ODAD4: variants seen among roughly 807,000 people sequenced by gnomAD.
ODAD4 encodes the protein outer dynein arm-docking complex subunit 4.
ODAD4 carries 49 observed loss-of-function variants against 51.8 expected under a neutral mutation model. The observed-to-expected ratio is 0.95, with a 90% CI of 0.75 to 1.20. ODAD4 has a LOEUF of 1.20. Ranked by LOEUF, ODAD4 falls within the 50% of genes most tolerant of loss-of-function variation. The pLI, the probability that ODAD4 is intolerant of heterozygous loss-of-function variation, is 0.00. For missense variants in ODAD4, 590 were observed against 586.5 expected (o/e 1.01, Z -0.06); for synonymous variants, 235 against 221.3 (o/e 1.06, Z -0.55).
chr17:41,931,133 G>A (rs972749428), intron 1 of ODAD4, among the ~76,000 whole-genome samples: 2 of 151,994 alleles, frequency 1.3e-5, no homozygotes, highest in African/African-American at 4.8e-5. Context: ...CTGACCTCGT[G>A]ATCCACCCGC....
In ODAD4 at chr17:41,938,756, C is replaced by G. The variant is rs2050464102; in HGVS notation, c.825C>G (p.Leu275=). The G allele has an allele frequency of 6.2e-7, 1 of 1,613,390 alleles. No homozygotes were observed. The highest frequency in any genetic ancestry group is 1.7e-5 in the Admixed American group (1 of 60,002). The part of the protein sequence containing the change: ...RRPSQTAHYI[L]KSLEDIDMLL... ...CCTCACAGACAGCCCATTACATCCT[C>G]AAGAGCCTGGAGGACATTGATATGT... The change falls in exon 6 of 12, where the codon CTC becomes CTG. Residue 275 remains leucine, a synonymous_variant. Coordinates refer to ENST00000377540, the MANE Select transcript of ODAD4 (RefSeq NM_031421.5).
chr17:41,939,320 C>T (rs1482385346), intron 7 of ODAD4, 148 bp downstream of exon 7: 15 of 786,240 alleles, frequency 1.9e-5, no homozygotes, highest in Non-Finnish European at 2.7e-5. Context: ...TGGGGACCAC[C>T]TGCCCAGGAC....
intron 1 of ODAD4, among the ~76,000 whole-genome samples, chr17:41,931,038 C>T (rs531901612): frequency 1.2e-4 from 18 of 151,948 alleles, no homozygotes; most frequent in African/African-American, 2.9e-4. Flanking sequence ...GGACTACAGG[C>T]GCGTGCCACC....
At chr17:41,952,390 A>G (rs1177207751) in intron 9 of ODAD4, among the ~76,000 whole-genome samples, 1 of 127,188 alleles carries the variant, frequency 7.9e-6, no homozygotes, top group Non-Finnish European at 1.7e-5. Flanking sequence ...AAAAAAAATT[A>G]GCTGAGTGTG....
rs146613555 is a variant in ODAD4, at chr17:41,965,351, A to T, written c.1887A>T (p.Arg629Ser). ...LEQRLSGEFSRQEPEELKKLS... is the reference protein window; with the variant it reads ...LEQRLSGEFSSQEPEELKKLS... ...AAAGACTCTCAGGAGAATTCAGCAG[A>T]CAGGAACCAGAAGAACTAAAGAAAC... Residue 629 changes from arginine to serine, a missense_variant, in exon 12 of 12, where the codon AGA (arginine) becomes AGT (serine). Arg to Ser is a moderately radical substitution (Grantham distance 110). Around this residue, in one of 3 missense-constraint regions of ODAD4, gnomAD observed 226 missense variants for 162.7 expected, o/e 1.39. Coordinates refer to ENST00000377540, the MANE Select transcript of ODAD4 (RefSeq NM_031421.5). The T allele has an allele frequency of 1.9e-3, 1,447 of 780,758 alleles. 10 individuals are homozygous for T. The African/African-American group carries it at 0.021, about 12-fold the overall frequency. The allele number at this position is 780,758 out of a possible 1,614,324, so 48.4% of individuals were successfully genotyped here. A position where few individuals can be genotyped will look rare whatever the true frequency, so the allele number is the denominator to read the frequency against.
At chr17:41,936,245 C>T (rs937269472) in intron 3 of ODAD4, among the ~76,000 whole-genome samples, 3 of 152,166 alleles carry the variant, frequency 2.0e-5, no homozygotes, top group African/African-American at 7.2e-5. Flanking sequence ...CCTTGGCCTC[C>T]CTTTGTTTGG....
At chr17:41,941,404 C>A (rs1027801991) in intron 7 of ODAD4, among the ~76,000 whole-genome samples, 1 of 152,214 alleles carries the variant, frequency 6.6e-6, no homozygotes, top group Non-Finnish European at 1.5e-5. Flanking sequence ...AATGCTTTCC[C>A]TTTTCCCAGC....
At chr17:41,956,232 A>G (rs1555640980) in intron 10 of ODAD4, among the ~76,000 whole-genome samples, 1 of 151,708 alleles carries the variant, frequency 6.6e-6, no homozygotes. Context: ...TATTTTTAGT[A>G]GAGATGGGGT....
At chr17:41,952,647 C>CA (rs1402493118) in intron 9 of ODAD4, 2 of 515,780 alleles carry the variant, frequency 3.9e-6, no homozygotes, top group East Asian at 1.1e-4. Flanking sequence ...CCTTTAATGT[C>CA]AGAGTCCCAC....
chr17:41,936,959 G>A, intron 5 of ODAD4, 32 bp downstream of exon 5: 1 of 1,608,324 alleles, frequency 6.2e-7, no homozygotes, highest in Non-Finnish European at 8.5e-7. Context: ...CGGGGCCTTG[G>A]GGGAAAGGAA....
chr17:41,942,166 C>T (rs1409364534), intron 7 of ODAD4, among the ~76,000 whole-genome samples: 1 of 152,134 alleles, frequency 6.6e-6, no homozygotes, highest in Non-Finnish European at 1.5e-5. Context: ...TAACTCCTGA[C>T]CTCAGGTGAT....
intron 7 of ODAD4, among the ~76,000 whole-genome samples, chr17:41,943,632 C>G (rs1300154253): frequency 1.3e-5 from 2 of 152,168 alleles, no homozygotes; most frequent in East Asian, 3.8e-4. Context: ...ATTTTCACTT[C>G]TTTTGTGATT....
At chr17:41,942,206 G>T (rs1284897654) in intron 7 of ODAD4, among the ~76,000 whole-genome samples, 1 of 152,168 alleles carries the variant, frequency 6.6e-6, no homozygotes, top group African/African-American at 2.4e-5. Flanking sequence ...AAAGTGCTAG[G>T]ATGACAGGTG....
chr17:41,962,378 C>G (rs1267905220), intron 11 of ODAD4, among the ~76,000 whole-genome samples: 1 of 152,182 alleles, frequency 6.6e-6, no homozygotes, highest in Non-Finnish European at 1.5e-5. Flanking sequence ...AGGGAGTAAA[C>G]AGGCCTTTGG....
intron 10 of ODAD4, among the ~76,000 whole-genome samples, chr17:41,956,184 A>T (rs2050730061): frequency 2.0e-5 from 3 of 151,170 alleles, no homozygotes; most frequent in African/African-American, 7.3e-5. Flanking sequence ...AGTAGCTGGG[A>T]TCACAGGCGC....
chr17:41,937,357 G>A (rs147290368), intron 5 of ODAD4, among the ~76,000 whole-genome samples: 2 of 152,326 alleles, frequency 1.3e-5, no homozygotes, highest in East Asian at 3.9e-4. Context: ...TCTGGTCCAA[G>A]TTCTCCTTTT....
Position 41,930,624 on chromosome 17 carries a change from A to G in ODAD4, c.-100A>G. Reference sequence around the variant, plus strand: ...GGGGCGGAACCGGAAGTCGCTGTACATCTCATGGTTGCTAAGAAACGGAGC... The same window carrying G: ...GGGGCGGAACCGGAAGTCGCTGTACGTCTCATGGTTGCTAAGAAACGGAGC... On this transcript the variant is annotated 5_prime_UTR_variant, in exon 1 of 12. Transcript: ENST00000377540. 1 of 777,178 alleles carries G rather than the reference A, an allele frequency of 1.3e-6. No individual in the cohort carries two copies. The highest frequency in any genetic ancestry group is 2.1e-6 in the Non-Finnish European group (1 of 472,680). 48.1% of individuals were successfully genotyped at this position (777,178 alleles called of 1,614,324 possible). A position where few individuals can be genotyped will look rare whatever the true frequency, so the allele number is the denominator to read the frequency against.
rs782711075 is a variant in ODAD4, at chr17:41,945,156, C to T, written c.1079C>T (p.Ser360Leu). The T allele has an allele frequency of 1.2e-5, 19 of 1,613,110 alleles. No individual in the cohort carries two copies. The highest frequency in any genetic ancestry group is 1.0e-4 in the Admixed American group (6 of 59,910). Residue 360 changes from serine to leucine, a missense_variant, in exon 8 of 12, where the codon TCG (serine) becomes TTG (leucine). Physicochemically the swap from Ser to Leu is moderately radical, Grantham distance 145 (BLOSUM62 -2). Transcript: ENST00000377540. ...AKEYDLPDAK[S>L]RALDNIGRVF... ...CACAGTGACCTTCCTGATGCAAAAT[C>T]GAGAGCCCTTGACAACATTGGCAGA...
At chr17:41,952,290 C>T (rs2098755601) in intron 9 of ODAD4, among the ~76,000 whole-genome samples, 1 of 150,026 alleles carries the variant, frequency 6.7e-6, no homozygotes, top group African/African-American at 2.5e-5. Flanking sequence ...GTTGCTTGAA[C>T]CTGGGAGGCG....
Sources: gnomAD v4.1 joint callset for allele counts (sites outside exome capture counted in the v4.1 genomes callset) on GRCh38, gnomAD v4.1.1 for gene constraint, gnomAD v4.1.1 regional missense constraint, MANE v1.5 for transcripts, NCBI Gene and HGNC (gene_info 2026-07-23, HGNC 2026-07-21) for gene names.